Variants in RAB33A observed in about 807,000 individuals in gnomAD.
RAB33A encodes RAB33A, member RAS oncogene family.
A neutral mutation model predicts 12.0 loss-of-function variants in RAB33A; 6 were observed. That is an observed-to-expected ratio of 0.50 (90% confidence interval 0.27 to 0.99). RAB33A has a LOEUF of 0.99. RAB33A is among the 50% of genes least tolerant of loss of function. RAB33A has a pLI of 0.11. For missense variants in RAB33A, 109 were observed against 192.0 expected (o/e 0.57, Z 2.55); for synonymous variants, 70 against 82.4 (o/e 0.85, Z 0.81).
the RAB33A span, chrX:130,147,876 G>A: frequency 6.6e-6 from 8 of 1,209,978 alleles, no homozygotes; most frequent in Non-Finnish European, 8.9e-6. Flanking sequence ...TCCTTCTGAA[G>A]CTGAAAGCAA....
At chrX:130,165,474 G>A in the RAB33A span, 1 of 860,991 alleles carries the variant, frequency 1.2e-6, no homozygotes, top group Non-Finnish European at 1.7e-6. Flanking sequence ...GGACGCGGGG[G>A]TAGAGGGCTG....
At chrX:130,143,489 A>G in the RAB33A span, among the ~76,000 whole-genome samples, 1 of 110,793 alleles carries the variant, frequency 9.0e-6, no homozygotes, top group African/African-American at 3.3e-5. Context: ...CCAACCACCA[A>G]GCCTCATCAA....
chrX:130,168,587 C>T (rs1790361159), upstream of RAB33A, among the ~76,000 whole-genome samples: 1 of 111,105 alleles, frequency 9.0e-6, no homozygotes, highest in Admixed American at 9.6e-5. Flanking sequence ...GAGACAGTCT[C>T]ATTACGTTGC....
chrX:130,151,568 A>C, the RAB33A span, among the ~76,000 whole-genome samples: 1 of 112,286 alleles, frequency 8.9e-6, no homozygotes, highest in Admixed American at 9.4e-5. Context: ...GTTGTGACAA[A>C]TGAAGTAGAA....
the RAB33A span, among the ~76,000 whole-genome samples, chrX:130,149,881 G>C: frequency 2.7e-5 from 3 of 112,061 alleles, no homozygotes; most frequent in East Asian, 8.3e-4. Flanking sequence ...TTTTATACTA[G>C]AAGAATAAAG....
intron 1 of RAB33A, among the ~76,000 whole-genome samples, chrX:130,174,400 T>C (rs903487533): frequency 2.7e-5 from 3 of 111,679 alleles, no homozygotes; most frequent in Non-Finnish European, 5.7e-5. Flanking sequence ...TGACCCTGCT[T>C]CTTGTAAAGC....
the RAB33A span, among the ~76,000 whole-genome samples, chrX:130,126,446 C>G: frequency 9.2e-6 from 1 of 108,670 alleles, no homozygotes; most frequent in Non-Finnish European, 1.9e-5. Flanking sequence ...GAGCTGAGAT[C>G]ACCCACTGCA....
At chrX:130,171,787 T>C (rs1272612502), upstream of RAB33A, 14 of 362,670 alleles carry the variant, frequency 3.9e-5, no homozygotes, top group Non-Finnish European at 1.9e-5. Context: ...TCGTCCACTC[T>C]CCTCCCTCTC....
chrX:130,165,667 G>A, the RAB33A span: 2 of 1,172,427 alleles, frequency 1.7e-6, no homozygotes, highest in African/African-American at 1.8e-5. Flanking sequence ...TTCGGCGACC[G>A]CTATTCGGGA....
the RAB33A span, among the ~76,000 whole-genome samples, chrX:130,161,272 G>C: frequency 9.1e-6 from 1 of 110,443 alleles, no homozygotes. Context: ...CAGCACTTTG[G>C]GAGGCCGAGG....
At chrX:130,151,417 G>A in the RAB33A span, among the ~76,000 whole-genome samples, 4 of 111,219 alleles carry the variant, frequency 3.6e-5, no homozygotes, top group Non-Finnish European at 7.5e-5. Flanking sequence ...GGGATTACAT[G>A]CGTGAGCCAC....
At chrX:130,166,112 A>G in the RAB33A span, among the ~76,000 whole-genome samples, 1 of 111,802 alleles carries the variant, frequency 8.9e-6, no homozygotes, top group African/African-American at 3.2e-5. Flanking sequence ...GCATCTCACA[A>G]CAGCGTAGCC....
chrX:130,163,205 G>A, the RAB33A span, among the ~76,000 whole-genome samples: 1 of 109,316 alleles, frequency 9.1e-6, no homozygotes, highest in South Asian at 4.0e-4. Context: ...AGCTACTTGG[G>A]AGGCTGACGC....
chrX:130,136,672 A>G, the RAB33A span: 1 of 1,210,688 alleles, frequency 8.3e-7, no homozygotes, highest in Non-Finnish European at 1.1e-6. Flanking sequence ...TTGATAAGTA[A>G]CTTGCCACTG....
the RAB33A span, among the ~76,000 whole-genome samples, chrX:130,154,987 G>A: frequency 3.6e-5 from 4 of 112,431 alleles, no homozygotes; most frequent in Non-Finnish European, 7.5e-5. Flanking sequence ...TCAACAGTTT[G>A]AAGAATGAGA....
At chrX:130,115,334 C>T in the RAB33A span, among the ~76,000 whole-genome samples, 1 of 112,216 alleles carries the variant, frequency 8.9e-6, no homozygotes, top group South Asian at 3.6e-4. Context: ...GCCTATTGGC[C>T]AGGCACAGTG....
upstream of RAB33A, chrX:130,171,840 A>T: frequency 4.9e-6 from 2 of 404,041 alleles, no homozygotes; most frequent in Non-Finnish European, 8.5e-6. Context: ...CCGAGCTGCA[A>T]GGAGGGTGCG....
chrX:130,124,963 G>A, the RAB33A span, among the ~76,000 whole-genome samples: 1 of 112,141 alleles, frequency 8.9e-6, no homozygotes, highest in African/African-American at 3.2e-5. Context: ...AAACCAGGAT[G>A]GGGGTGGGGG....
intron 1 of RAB33A, among the ~76,000 whole-genome samples, chrX:130,176,546 A>G (rs1039648820): frequency 2.7e-5 from 3 of 111,736 alleles, no homozygotes; most frequent in African/African-American, 9.8e-5. Context: ...TTACATTATC[A>G]AGTGGATGGA....
Sources: allele counts gnomAD v4.1 joint callset (sites outside exome capture counted in the v4.1 genomes callset), GRCh38; gene constraint gnomAD v4.1.1; transcripts MANE v1.5; gene names NCBI Gene and HGNC (gene_info 2026-07-23, HGNC 2026-07-21).